Variants in NIM1K observed in about 807,000 individuals in gnomAD.
NIM1K encodes serine/threonine-protein kinase NIM1.
A neutral mutation model predicts 37.1 loss-of-function variants in NIM1K; 35 were observed. That is an observed-to-expected ratio of 0.94 (90% CI 0.72 to 1.25). The LOEUF (loss-of-function observed/expected upper bound fraction) is 1.25, where lower values mean the gene tolerates loss of function less well. NIM1K is among the 50% of genes most tolerant of loss of function. The pLI, the probability that NIM1K is intolerant of heterozygous loss-of-function variation, is 0.00. For missense variants in NIM1K, 564 were observed against 548.0 expected (o/e 1.03, Z -0.29); for synonymous variants, 234 against 206.6 (o/e 1.13, Z -1.14).
At chr5:43,209,080 A>G (rs1413387280) in intron 1 of NIM1K, among the ~76,000 whole-genome samples, 1 of 152,214 alleles carries the variant, frequency 6.6e-6, no homozygotes, top group African/African-American at 2.4e-5. Flanking sequence ...GCTGGAAGCG[A>G]CTAACACATC....
chr5:43,198,166 T>A (rs1294612237), intron 1 of NIM1K, among the ~76,000 whole-genome samples: 4 of 52,628 alleles, frequency 7.6e-5, no homozygotes, highest in African/African-American at 2.8e-4. Flanking sequence ...TTTCTTTCTT[T>A]CTTTCTTTCT....
chr5:43,235,809 A>T (rs1424108539), intron 1 of NIM1K, among the ~76,000 whole-genome samples: 1 of 151,580 alleles, frequency 6.6e-6, no homozygotes, highest in East Asian at 1.9e-4. Context: ...TTCCAGATGT[A>T]TTTGACTACG....
At chr5:43,209,465 G>C (rs1752172812) in intron 1 of NIM1K, among the ~76,000 whole-genome samples, 2 of 151,714 alleles carry the variant, frequency 1.3e-5, no homozygotes, top group Admixed American at 1.3e-4. Context: ...TTGTTTGGTT[G>C]CTTTTAAATT....
intron 2 of NIM1K, among the ~76,000 whole-genome samples, chr5:43,249,049 T>C (rs1470381366): frequency 9.6e-6 from 1 of 104,646 alleles, no homozygotes; most frequent in Non-Finnish European, 2.2e-5. Flanking sequence ...TTTATTTTTA[T>C]TTATTTATTT....
intron 1 of NIM1K, among the ~76,000 whole-genome samples, chr5:43,200,934 G>A (rs561548651): frequency 8.6e-5 from 13 of 152,022 alleles, no homozygotes; most frequent in African/African-American, 2.7e-4. Flanking sequence ...GACCAGCCTG[G>A]CCAAGATGGT....
chr5:43,277,256 T>G lies in NIM1K; in HGVS notation c.492T>G (p.Thr164=), dbSNP rs1179423533. The part of the protein sequence containing the change: ...GGGELFGKIS[T]EGKLSEPESK... ...GGGAGCTCTTCGGAAAAATTAGCAC[T>G]GAGGGGAAGCTCTCTGAACCAGAAA... The change falls in exon 3 of 4, where the codon ACT becomes ACG. Residue 164 remains threonine, a synonymous_variant. Transcript: ENST00000326035. The G allele has an allele frequency of 6.2e-7, 1 of 1,614,108 alleles. No individual in the cohort carries two copies. Among genetic ancestry groups the G allele is most frequent in the Non-Finnish European group, 8.5e-7 (1 of 1,180,010 alleles).
chr5:43,277,468 T>C, intron 3 of NIM1K, 143 bp downstream of exon 3: 1 of 859,538 alleles, frequency 1.2e-6, no homozygotes, highest in Non-Finnish European at 1.8e-6. Context: ...GTCAGAAGTC[T>C]GGCTGGGATC....
intron 1 of NIM1K, chr5:43,193,361 C>G (rs963813300): frequency 6.6e-6 from 1 of 151,116 alleles, no homozygotes; most frequent in African/African-American, 2.4e-5. Flanking sequence ...CCTCCTCCCT[C>G]CCTCCCTTTC....
At chr5:43,265,740 TC>T (rs1753137294) in intron 2 of NIM1K, among the ~76,000 whole-genome samples, 1 of 152,200 alleles carries the variant, frequency 6.6e-6, no homozygotes, top group East Asian at 1.9e-4. Context: ...CTCTGGTTTC[TC>T]CCCATCTTTG....
chr5:43,265,911 G>T (rs1184083892), intron 2 of NIM1K, among the ~76,000 whole-genome samples: 2 of 152,204 alleles, frequency 1.3e-5, no homozygotes, highest in African/African-American at 4.8e-5. Flanking sequence ...GTTTGCCTGG[G>T]TATCACCAGC....
At chr5:43,236,304 AC>A (rs764290764) in intron 1 of NIM1K, among the ~76,000 whole-genome samples, 2 of 151,818 alleles carry the variant, frequency 1.3e-5, no homozygotes, top group African/African-American at 4.8e-5. Context: ...CACCAAAAAA[AC>A]ATAAACATTA....
intron 1 of NIM1K, among the ~76,000 whole-genome samples, chr5:43,238,005 C>T (rs1752644767): frequency 6.7e-6 from 1 of 148,716 alleles, no homozygotes. Context: ...TTGCTTATCT[C>T]TTCTCGATTT....
chr5:43,261,372 T>C (rs1398608193), intron 2 of NIM1K, among the ~76,000 whole-genome samples: 1 of 152,236 alleles, frequency 6.6e-6, no homozygotes, highest in East Asian at 1.9e-4. Context: ...TGATGAGCAT[T>C]TTTTCATGTG....
At chr5:43,265,237 G>A (rs551380744) in intron 2 of NIM1K, among the ~76,000 whole-genome samples, 58 of 152,226 alleles carry the variant, frequency 3.8e-4, no homozygotes, top group African/African-American at 1.4e-3. Flanking sequence ...CATTCTCTCC[G>A]TCACTTTCAG....
chr5:43,264,068 G>A (rs1753080721), intron 2 of NIM1K, among the ~76,000 whole-genome samples: 1 of 152,190 alleles, frequency 6.6e-6, no homozygotes, highest in Admixed American at 6.5e-5. Flanking sequence ...GAATAAGTGT[G>A]ATGTAGTGCT....
At chr5:43,265,909 G>A (rs1753147003) in intron 2 of NIM1K, among the ~76,000 whole-genome samples, 1 of 152,210 alleles carries the variant, frequency 6.6e-6, no homozygotes, top group East Asian at 1.9e-4. Context: ...CTGTTTGCCT[G>A]GGTATCACCA....
At chr5:43,279,249 C>T (rs749509792) in intron 3 of NIM1K, among the ~76,000 whole-genome samples, 40 of 152,198 alleles carry the variant, frequency 2.6e-4, no homozygotes, top group Admixed American at 2.0e-4. Context: ...ATCAGTATCC[C>T]ACTTTACAGA....
intron 1 of NIM1K, among the ~76,000 whole-genome samples, chr5:43,215,590 C>T (rs1298086932): frequency 3.9e-5 from 6 of 152,210 alleles, no homozygotes; most frequent in Admixed American, 3.9e-4. Context: ...TGCGCCACCA[C>T]GCCCAGCTAA....
At chr5:43,277,972 C>A (rs1753375543) in intron 3 of NIM1K, among the ~76,000 whole-genome samples, 2 of 151,638 alleles carry the variant, frequency 1.3e-5, no homozygotes, top group Non-Finnish European at 1.5e-5. Flanking sequence ...TTCCTGCCTG[C>A]CTTCCACCCT....
Sources: allele counts gnomAD v4.1 joint callset (sites outside exome capture counted in the v4.1 genomes callset), GRCh38; gene constraint gnomAD v4.1.1; transcripts MANE v1.5; gene names NCBI Gene and HGNC (gene_info 2026-07-23, HGNC 2026-07-21).